The following PPP2R3B variants were observed in gnomAD, a reference collection of about 807,000 sequenced individuals.
PPP2R3B encodes the protein serine/threonine-protein phosphatase 2A regulatory subunit B'' subunit beta.
PPP2R3B carries 68 observed loss-of-function variants against 72.9 expected under a neutral mutation model. The observed-to-expected ratio is 0.93, with a 90% CI of 0.77 to 1.14. The LOEUF is 1.14. Ranked by LOEUF, PPP2R3B falls within the 50% of genes most tolerant of loss-of-function variation. The probability of loss-of-function intolerance (pLI) is 0.00; values close to 1 mark genes in which losing one functional copy is unlikely to be tolerated. For missense variants in PPP2R3B, 1,018 were observed against 842.0 expected, an observed-to-expected ratio of 1.21 and a Z score of -2.59; for synonymous variants, 466 against 375.8, an observed-to-expected ratio of 1.24 and a Z score of -2.78.
intron 5 of PPP2R3B, 164 bp from the exon 6 acceptor site, chrX:346,424 C>T: frequency 1.4e-6 from 1 of 692,480 alleles, no homozygotes; most frequent in Middle Eastern, 4.1e-4. Context: ...AGGCGCCGCC[C>T]CAGGCCGCGG....
chrX:334,154 T>C lies in PPP2R3B; in HGVS notation c.*213A>G. 2.1e-6 allele frequency: 1 copy of C among 473,280 alleles called. No homozygotes were observed. Among genetic ancestry groups the C allele is most frequent in the Non-Finnish European group, 3.5e-6 (1 of 284,952 alleles). 29.3% of individuals were successfully genotyped at this position (473,280 alleles called of 1,614,324 possible). On this transcript the variant is annotated 3_prime_UTR_variant, in exon 13 of 13. Coordinates refer to ENST00000390665, the MANE Select transcript of PPP2R3B (RefSeq NM_013239.5). ...GGTGTCCGTGTGGGAACCCGTCCCA[T>C]TCACGCGCGGCCCTACGTGTCCCCC...
intron 2 of PPP2R3B, among the ~76,000 whole-genome samples, chrX:358,764 G>GGCGCCGAGGCGGGGAA (rs2071483702): frequency 6.6e-6 from 1 of 152,008 alleles, no homozygotes; most frequent in African/African-American, 2.4e-5. Context: ...ATGAGAACCA[G>GGCGCCGAGGCGGGGAA]GCGCCGAGGC....
chrX:345,801 C>A, intron 6 of PPP2R3B, 129 bp from the exon 7 acceptor site: 1 of 287,146 alleles, frequency 3.5e-6, no homozygotes, highest in Non-Finnish European at 5.6e-6. Context: ...GACTGGGCAG[C>A]TGGGGCCGGG....
At position 364,302 on chromosome X, in the gene PPP2R3B, TCCC is replaced by T. The variant is rs985015918; in HGVS notation, c.325-2715_325-2713del. On this transcript the variant is annotated intron_variant, in intron 1 of 12. Transcript: ENST00000390665. ...GTACGAGCTGGGCAGGGGGGAGTTC[TCCC>T]CCGAGAACTGACGGCTACAGCCGAC... 3.6e-4 allele frequency among the ~76,000 whole-genome samples: 55 copies of T among 151,750 alleles called. 3 individuals carry two copies. The highest frequency in any genetic ancestry group is 1.0e-4 in the Non-Finnish European group (7 of 67,936).
At chrX:374,923 C>A (rs1313269238) in intron 1 of PPP2R3B, among the ~76,000 whole-genome samples, 1 of 152,150 alleles carries the variant, frequency 6.6e-6, no homozygotes, top group Non-Finnish European at 1.5e-5. Context: ...CCCCGCAAGC[C>A]CCGATCTGTT....
intron 1 of PPP2R3B, among the ~76,000 whole-genome samples, chrX:364,171 G>A (rs1252757123): frequency 1.3e-5 from 2 of 152,234 alleles, no homozygotes; most frequent in African/African-American, 2.4e-5. Context: ...CTCCGGGGAA[G>A]CTCCCAGAAC....
chrX:345,545 G>T lies in PPP2R3B; in HGVS notation c.1007C>A (p.Ala336Glu). The T allele has an allele frequency of 6.2e-7, 1 of 1,613,080 alleles. No individual in the cohort carries two copies. The highest frequency in any genetic ancestry group is 1.1e-5 in the South Asian group (1 of 91,072). ...LDTDHDLLID[A>E]DDLARHNDHA... ...GTCATTGTGCCGCGCCAGGTCGTCC[G>T]CGTCGATGAGCAGGTCGTGGTCCGT... Residue 336 changes from alanine (A) to glutamate (E), a missense_variant, in exon 7 of 13, where the codon GCG becomes GAG. Physicochemically the swap from Ala to Glu is moderately radical, Grantham distance 107. Transcript: ENST00000390665.
Position 347,651 on chromosome X carries a change from C to T in PPP2R3B, c.553G>A (p.Gly185Ser), listed in dbSNP as rs1351994011. The change falls in exon 3 of 13, where the codon GGC becomes AGC. Residue 185 changes from glycine to serine, a missense_variant. By Grantham distance (56) the Gly-to-Ser change is moderately conservative. Transcript: ENST00000390665. ...GAGCCCGTGCGCTCCCCGCCGGCGCCATAGAAGAGCGGCCCCTTCCAGTAG... is the reference window on the plus strand; with the variant it reads ...GAGCCCGTGCGCTCCCCGCCGGCGCTATAGAAGAGCGGCCCCTTCCAGTAG... Reference protein sequence around the residue: ...PLYWKGPLFYGAGGERTGSVS... With the variant: ...PLYWKGPLFYSAGGERTGSVS... The T allele has an allele frequency of 1.9e-6, 3 of 1,569,210 alleles. No homozygotes were observed. The East Asian group carries it at 6.9e-5, about 36-fold the overall frequency.
intron 2 of PPP2R3B, among the ~76,000 whole-genome samples, chrX:356,845 C>CCCAGCCAGCCACA (rs1569397780): frequency 2.4e-4 from 27 of 111,974 alleles, no homozygotes; most frequent in Admixed American, 7.1e-4. Flanking sequence ...GTAACCACGC[C>CCCAGCCAGCCACA]TTGGCCAGCC....
intron 1 of PPP2R3B, among the ~76,000 whole-genome samples, chrX:379,621 G>C (rs1423477450): frequency 2.6e-5 from 4 of 152,234 alleles, no homozygotes; most frequent in Non-Finnish European, 5.9e-5. Context: ...AATTAGAGAA[G>C]AACTAAATAA....
intron 1 of PPP2R3B, among the ~76,000 whole-genome samples, chrX:384,049 T>C (rs1477530148): frequency 6.6e-6 from 1 of 151,548 alleles, no homozygotes; most frequent in Non-Finnish European, 1.5e-5. Context: ...CCACCTGAGG[T>C]GAGGGTTAAG....
chrX:369,937 G>A (rs774672396), intron 1 of PPP2R3B, among the ~76,000 whole-genome samples: 16 of 152,230 alleles, frequency 1.1e-4, no homozygotes, highest in Non-Finnish European at 1.5e-4. Context: ...TGGCCGGGAC[G>A]CACACTCATG....
At position 347,318 on chromosome X, in the gene PPP2R3B, G is replaced by T. The variant is rs765204570; in HGVS notation, c.633C>A (p.His211Gln). 6 of 1,613,800 alleles carry T rather than the reference G, an allele frequency of 3.7e-6. No homozygotes were observed. The highest frequency in any genetic ancestry group is 5.1e-6 in the Non-Finnish European group (6 of 1,179,766). Residue 211 changes from histidine to glutamine, a missense_variant, in exon 4 of 13, where the codon CAC becomes CAA. Coordinates refer to ENST00000390665, the MANE Select transcript of PPP2R3B (RefSeq NM_013239.5). The part of the protein sequence containing the change: ...AMWRKILQNC[H>Q]DDAAKFVHLL... Reference sequence around the variant, plus strand: ...GATGGACGAACTTGGCCGCGTCGTCGTGGCAGTTCTGGAGGATTCTGGAAG... The same window carrying T: ...GATGGACGAACTTGGCCGCGTCGTCTTGGCAGTTCTGGAGGATTCTGGAAG...
intron 1 of PPP2R3B, among the ~76,000 whole-genome samples, chrX:371,271 CG>C (rs2071856524): frequency 1.3e-5 from 2 of 152,108 alleles, no homozygotes; most frequent in Non-Finnish European, 2.9e-5. Context: ...GGAGCCTCCC[CG>C]GACCCACGGT....
At chrX:368,960 C>G (rs377071881) in intron 1 of PPP2R3B, among the ~76,000 whole-genome samples, 2 of 152,262 alleles carry the variant, frequency 1.3e-5, no homozygotes, top group Admixed American at 1.3e-4. Context: ...AACACAACCA[C>G]CCCATGCGGG....
rs763524990 is a variant in PPP2R3B at position 340,897 on chromosome X, C to T, written c.1219G>A (p.Ala407Thr). The change falls in exon 10 of 13, where the codon GCC (alanine) becomes ACC (threonine). Residue 407 changes from alanine to threonine, a missense_variant. Transcript: ENST00000390665. ...TACTCGAGCTCGAACATGGACAGGG[C>T]GCCGTCCCCGTCCAGGTCCATGCAG... ...FRCMDLDGDG[A>T]LSMFELEYFY... The T allele has an allele frequency of 2.2e-5, 36 of 1,611,900 alleles. No individual in the cohort carries two copies. The highest frequency in any genetic ancestry group is 6.7e-5 in the Admixed American group (4 of 59,994).
intron 1 of PPP2R3B, among the ~76,000 whole-genome samples, chrX:369,810 G>A (rs867436900): frequency 3.2e-4 from 48 of 152,240 alleles, no homozygotes; most frequent in African/African-American, 1.0e-3. Flanking sequence ...GGGACGCTCA[G>A]TACGGGCTGC....
Position 334,336 on chromosome X carries a change from C to CGGCCCCGCGGCGGCGTTCTCGCG in PPP2R3B, c.*8_*30dup. The CGGCCCCGCGGCGGCGTTCTCGCG allele has an allele frequency of 6.9e-7, 1 of 1,451,232 alleles. No individual in the cohort carries two copies. Among genetic ancestry groups the CGGCCCCGCGGCGGCGTTCTCGCG allele is most frequent in the South Asian group, 1.4e-5 (1 of 70,588 alleles). 89.9% of individuals were successfully genotyped at this position (1,451,232 alleles called of 1,614,324 possible). Reference sequence around the variant, plus strand: ...TGGCCCGGTGGTGGCACGTGGGGAGCGGCCCCGCGGCGGCGTTCTCGCGGG... The same window carrying CGGCCCCGCGGCGGCGTTCTCGCG: ...TGGCCCGGTGGTGGCACGTGGGGAGCGGCCCCGCGGCGGCGTTCTCGCGGGCCCCGCGGCGGCGTTCTCGCGGG... On this transcript the variant is annotated 3_prime_UTR_variant, in exon 13 of 13. Coordinates refer to ENST00000390665, the MANE Select transcript of PPP2R3B (RefSeq NM_013239.5).
intron 1 of PPP2R3B, among the ~76,000 whole-genome samples, chrX:363,825 T>C (rs1380776007): frequency 6.6e-6 from 1 of 152,196 alleles, no homozygotes; most frequent in African/African-American, 2.4e-5. Flanking sequence ...AGCTCTGCTA[T>C]TTGGGGTACG....
Sources: allele counts gnomAD v4.1 joint callset (sites outside exome capture counted in the v4.1 genomes callset), GRCh38; gene constraint gnomAD v4.1.1; transcripts MANE v1.5; gene names NCBI Gene and HGNC (gene_info 2026-07-23, HGNC 2026-07-21).